ENAM: variants seen among roughly 807,000 people sequenced by gnomAD.
ENAM encodes the protein enamelin.
In ENAM, 21 loss-of-function variants were observed where a neutral mutation model predicts 33.6. The ratio of observed to expected loss-of-function variants is 0.63; its 90% CI spans 0.44 to 0.90. The LOEUF is 0.90. Ranked by LOEUF, ENAM falls within the 40% of genes least tolerant of loss-of-function variation. The pLI is 0.00. For synonymous variants in ENAM, 473 were observed against 468.4 expected, an observed-to-expected ratio of 1.01 and a Z score of -0.13; for missense variants, 1,388 against 1,366.9, an observed-to-expected ratio of 1.02 and a Z score of -0.24.
In ENAM at chr4:70,635,540, C is replaced by T. The variant is rs368620172; in HGVS notation, c.472-292C>T. ...AGATTTTGGGCAAGTGACCAAACTT[C>T]TCTGAACTTCATGGTCTTAGTAAAA... On this transcript the variant is annotated intron_variant, in intron 6 of 8. Coordinates refer to ENST00000396073, the MANE Select transcript of ENAM (RefSeq NM_031889.3). Among the ~76,000 whole-genome samples the T allele has an allele frequency of 3.5e-4, 53 of 152,278 alleles. 1 individual carries two copies. In the East Asian group the frequency reaches 6.2e-3, roughly 18 times the overall value.
rs143617256 is a variant in ENAM at position 70,642,907 on chromosome 4, C to A, written c.1481C>A (p.Ser494Tyr). Residue 494 changes from serine (S) to tyrosine (Y), a missense_variant, in exon 9 of 9, where the codon TCC becomes TAC. Coordinates refer to ENST00000396073, the MANE Select transcript of ENAM (RefSeq NM_031889.3). ...AATTCTGTTGATCAACATGAAAACT[C>A]CTATTACCCAAGAGGAGATTCCAGA... is the stretch of plus-strand genomic sequence containing the variant. The part of the protein sequence containing the change: ...NFNSVDQHEN[S>Y]YYPRGDSRKV... The A allele has an allele frequency of 5.0e-6, 8 of 1,614,022 alleles. No homozygotes were observed. Among genetic ancestry groups the A allele is most frequent in the Middle Eastern group, 1.6e-4 (1 of 6,062 alleles).
Position 70,643,380 on chromosome 4 carries a change from A to G in ENAM, c.1954A>G (p.Asn652Asp). 3 of 1,614,114 alleles carry G rather than the reference A, an allele frequency of 1.9e-6. No homozygotes were observed. Among genetic ancestry groups the G allele is most frequent in the Non-Finnish European group, 2.5e-6 (3 of 1,179,980 alleles). ...TPDQKEIVPY[N>D]EEDPVDPTGD... ...AGACCAGAAGGAGATAGTCCCTTATAATGAAGAGGACCCAGTTGATCCAAC... is the reference window on the plus strand; with the variant it reads ...AGACCAGAAGGAGATAGTCCCTTATGATGAAGAGGACCCAGTTGATCCAAC... The change falls in exon 9 of 9, where the codon AAT (asparagine) becomes GAT (aspartate). Residue 652 changes from asparagine to aspartate, a missense_variant. Physicochemically the swap from Asn to Asp is conservative, Grantham distance 23. Coordinates refer to ENST00000396073, the MANE Select transcript of ENAM (RefSeq NM_031889.3).
In ENAM at chr4:70,646,791, A is replaced by G. The variant is rs1738772696; in HGVS notation, c.*1936A>G. 6.6e-6 allele frequency: 1 copy of G among 152,230 alleles called. No homozygotes were observed. The highest frequency in any genetic ancestry group is 6.5e-5 in the Admixed American group (1 of 15,282). The allele number at this position is 152,230 out of a possible 1,614,324, so 9.4% of individuals were successfully genotyped here. A position where few individuals can be genotyped will look rare whatever the true frequency, so the allele number is the denominator to read the frequency against. On this transcript the variant is annotated 3_prime_UTR_variant, in exon 9 of 9. Transcript: ENST00000396073. ...TGTATAAAACTGTCTTTTAAGAATT[A>G]TCCTTTCAAAATAAAAATGTTATTG...
rs1738710766 is a variant in ENAM, at chr4:70,644,697, G to GA, written c.3275dup (p.Asn1092LysfsTer3). The GA allele has an allele frequency of 6.2e-7, 1 of 1,614,052 alleles. No homozygotes were observed. The highest frequency in any genetic ancestry group is 8.5e-7 in the Non-Finnish European group (1 of 1,180,032). ...TGATGGGGATTCAATTACGCCTACT[G>GA]AAAATCCTAACACATTGGTTGAGTT... On this transcript the variant is annotated frameshift_variant, in exon 9 of 9. Transcript: ENST00000396073. LOFTEE classifies it high-confidence loss of function.
rs923947868 is a variant in ENAM, at chr4:70,642,963, A to C, written c.1537A>C (p.Ser513Arg). 6.2e-7 allele frequency: 1 copy of C among 1,614,180 alleles called. No homozygotes were observed. The highest frequency in any genetic ancestry group is 8.5e-7 in the Non-Finnish European group (1 of 1,180,020). The change falls in exon 9 of 9, where the codon AGC becomes CGC. Residue 513 changes from serine to arginine, a missense_variant. By Grantham distance (110) the Ser-to-Arg change is moderately radical. Coordinates refer to ENST00000396073, the MANE Select transcript of ENAM (RefSeq NM_031889.3). ...CCCAAATTCTGATGGACAAACCCAA[A>C]GCCAGAATTTGCCCAAAGGGATTGT... is the stretch of plus-strand genomic sequence containing the variant. ...KVPNSDGQTQ[S>R]QNLPKGIVLG...
At position 70,644,764 on chromosome 4, in the gene ENAM, T is replaced by G. The variant is rs1221994668; in HGVS notation, c.3338T>G (p.Leu1113Arg). The stretch of plus-strand genomic sequence containing the variant: ...TTTAAGAGTATAAATGTAGACCCAC[T>G]TGATGCAGATGAACACAGTCCATTT... ...EQFKSINVDP[L>R]DADEHSPFEF... The change falls in exon 9 of 9, where the codon CTT (leucine) becomes CGT (arginine). Residue 1113 changes from leucine to arginine, a missense_variant. Coordinates refer to ENST00000396073, the MANE Select transcript of ENAM (RefSeq NM_031889.3). 6.2e-7 allele frequency: 1 copy of G among 1,614,044 alleles called. No individual in the cohort carries two copies. The highest frequency in any genetic ancestry group is 8.5e-7 in the Non-Finnish European group (1 of 1,179,950).
At chr4:70,640,998 A>G (rs1302120979) in intron 8 of ENAM, among the ~76,000 whole-genome samples, 2 of 152,216 alleles carry the variant, frequency 1.3e-5, no homozygotes, top group Non-Finnish European at 2.9e-5. Context: ...TAAGAAAACT[A>G]CTGTAACAGT....
chr4:70,633,850 T>TA (rs1738383616), intron 5 of ENAM, among the ~76,000 whole-genome samples: 1 of 152,216 alleles, frequency 6.6e-6, no homozygotes, highest in Non-Finnish European at 1.5e-5. Context: ...ACTGAATTTT[T>TA]ATCCTCTCTT....
chr4:70,632,158 G>T (rs1203387121), intron 4 of ENAM, among the ~76,000 whole-genome samples: 1 of 152,094 alleles, frequency 6.6e-6, no homozygotes, highest in Non-Finnish European at 1.5e-5. Context: ...TATCTGCTAA[G>T]TTTTTTAGCT....
intron 8 of ENAM, among the ~76,000 whole-genome samples, chr4:70,641,178 G>C (rs1456878038): frequency 2.6e-5 from 4 of 152,094 alleles, no homozygotes; most frequent in African/African-American, 4.8e-5. Flanking sequence ...GATTTCACGG[G>C]AGATGAGCCC....
intron 8 of ENAM, among the ~76,000 whole-genome samples, chr4:70,640,930 C>G (rs1199276411): frequency 1.3e-5 from 2 of 152,178 alleles, no homozygotes; most frequent in Admixed American, 6.5e-5. Flanking sequence ...CTCTAATACT[C>G]TGACGGCAGT....
intron 7 of ENAM, among the ~76,000 whole-genome samples, chr4:70,636,589 T>G (rs527320860): frequency 2.0e-4 from 30 of 152,088 alleles, no homozygotes; most frequent in Non-Finnish European, 4.0e-4. Flanking sequence ...ACCAACAAGG[T>G]GAAACCCCGT....
chr4:70,632,869 C>T (rs561106056), intron 5 of ENAM, among the ~76,000 whole-genome samples, 177 bp downstream of exon 5: 1 of 152,160 alleles, frequency 6.6e-6, no homozygotes, highest in South Asian at 2.1e-4. Context: ...AAATTTTCTT[C>T]TTATTCATTA....
At position 70,629,456 on chromosome 4, in the gene ENAM, A is replaced by G. The variant is rs748261893; in HGVS notation, c.-45A>G. 19 of 1,430,350 alleles carry G rather than the reference A, an allele frequency of 1.3e-5. No homozygotes were observed. Among genetic ancestry groups the G allele is most frequent in the Non-Finnish European group, 1.9e-5 (19 of 1,012,576 alleles). The allele number at this position is 1,430,350 out of a possible 1,614,324, so 88.6% of individuals were successfully genotyped here. On this transcript the variant is annotated 5_prime_UTR_variant, in exon 2 of 9. Coordinates refer to ENST00000396073, the MANE Select transcript of ENAM (RefSeq NM_031889.3). Reference sequence around the variant, plus strand: ...TATATTTTAGTTTCTTCTCAGGTTAAAGCTGTATTTTTCTTAAAGGCTTAT... The same window carrying G: ...TATATTTTAGTTTCTTCTCAGGTTAGAGCTGTATTTTTCTTAAAGGCTTAT...
In ENAM at chr4:70,642,612, G is replaced by C; in HGVS notation, c.1186G>C (p.Gly396Arg). 6.2e-7 allele frequency: 1 copy of C among 1,613,996 alleles called. No individual in the cohort carries two copies. The highest frequency in any genetic ancestry group is 1.1e-5 in the South Asian group (1 of 91,056). The change falls in exon 9 of 9, where the codon GGA becomes CGA. Residue 396 changes from glycine (G) to arginine (R), a missense_variant. Physicochemically the swap from Gly to Arg is moderately radical, Grantham distance 125. Transcript: ENST00000396073. ...TSRGNYPNYAGNPANLRRKPQ... is the reference protein window; with the variant it reads ...TSRGNYPNYARNPANLRRKPQ... ...AAGAGGCAATTATCCCAATTATGCA[G>C]GAAATCCAGCAAATCTCAGAAGAAA...
rs1479618010 is a variant in ENAM, at chr4:70,643,005, A to T, written c.1579A>T (p.Met527Leu). 6.2e-7 allele frequency: 1 copy of T among 1,614,166 alleles called. No homozygotes were observed. Among genetic ancestry groups the T allele is most frequent in the Non-Finnish European group, 8.5e-7 (1 of 1,180,030 alleles). Reference sequence around the variant, plus strand: ...AGGGATTGTTTTAGGGTCAAGAAGGATGCCATATGAATCAGAAACTAATCA... The same window carrying T: ...AGGGATTGTTTTAGGGTCAAGAAGGTTGCCATATGAATCAGAAACTAATCA... ...PKGIVLGSRRMPYESETNQSE... is the reference protein window; with the variant it reads ...PKGIVLGSRRLPYESETNQSE... Residue 527 changes from methionine to leucine, a missense_variant, in exon 9 of 9, where the codon ATG (methionine) becomes TTG (leucine). By Grantham distance (15) the Met-to-Leu change is conservative. Coordinates refer to ENST00000396073, the MANE Select transcript of ENAM (RefSeq NM_031889.3).
chr4:70,635,017 C>T (rs892256648), intron 6 of ENAM, among the ~76,000 whole-genome samples: 1 of 152,156 alleles, frequency 6.6e-6, no homozygotes, highest in Non-Finnish European at 1.5e-5. Context: ...ACTAGTATGA[C>T]ATAAGGTAAG....
In ENAM at chr4:70,642,982, G is replaced by A; in HGVS notation, c.1556G>A (p.Gly519Glu). 1 of 1,613,922 alleles carries A rather than the reference G, an allele frequency of 6.2e-7. No homozygotes were observed. Among genetic ancestry groups the A allele is most frequent in the South Asian group, 1.1e-5 (1 of 91,046 alleles). Residue 519 changes from glycine (G) to glutamate (E), a missense_variant, in exon 9 of 9, where the codon GGG (glycine) becomes GAG (glutamate). By Grantham distance (98) the Gly-to-Glu change is moderately conservative. Coordinates refer to ENST00000396073, the MANE Select transcript of ENAM (RefSeq NM_031889.3). ...GQTQSQNLPK[G>E]IVLGSRRMPY... ...ACCCAAAGCCAGAATTTGCCCAAAG[G>A]GATTGTTTTAGGGTCAAGAAGGATG...
In ENAM at chr4:70,642,830, A is replaced by G. The variant is rs761546007; in HGVS notation, c.1404A>G (p.Lys468=). ...ACTCTCAACAGTATGAAGTTAATAAATCAAATTATAAACTGCCTCACTCTG... is the reference window on the plus strand; with the variant it reads ...ACTCTCAACAGTATGAAGTTAATAAGTCAAATTATAAACTGCCTCACTCTG... ...WRNSQQYEVN[K]SNYKLPHSEG... is the part of the protein sequence containing the mutation. The change falls in exon 9 of 9, where the codon AAA becomes AAG. Residue 468 remains lysine (K), a synonymous_variant. Coordinates refer to ENST00000396073, the MANE Select transcript of ENAM (RefSeq NM_031889.3). 1.9e-6 allele frequency: 3 copies of G among 1,613,880 alleles called. No individual in the cohort carries two copies. Among genetic ancestry groups the G allele is most frequent in the South Asian group, 2.2e-5 (2 of 91,086 alleles).
Sources: gnomAD v4.1 joint callset for allele counts (sites outside exome capture counted in the v4.1 genomes callset) on GRCh38, gnomAD v4.1.1 for gene constraint, MANE v1.5 for transcripts, NCBI Gene and HGNC (gene_info 2026-07-23, HGNC 2026-07-21) for gene names.